Variants in EPS15 observed in about 807,000 individuals in gnomAD.
The protein encoded by EPS15 is epidermal growth factor receptor pathway substrate 15.
Under a neutral mutation model 113.8 loss-of-function variants are expected in EPS15, and 72 were observed. The ratio of observed to expected loss-of-function variants is 0.63; its 90% CI spans 0.52 to 0.77. The LOEUF (loss-of-function observed/expected upper bound fraction) is 0.77. EPS15 is among the 30% of genes least tolerant of loss of function. The probability of loss-of-function intolerance (pLI) is 0.00; values close to 1 mark genes in which losing one functional copy is unlikely to be tolerated. For missense variants in EPS15, 1,048 were observed against 1,045.8 expected, an observed-to-expected ratio of 1.00 and a Z score of -0.03; for synonymous variants, 344 against 363.4, an observed-to-expected ratio of 0.95 and a Z score of 0.61.
At chr1:51,428,387 T>G (rs1237432626) in intron 12 of EPS15, among the ~76,000 whole-genome samples, 1 of 152,252 alleles carries the variant, frequency 6.6e-6, no homozygotes, top group African/African-American at 2.4e-5. Context: ...CTCCACTTTA[T>G]ACTTTCTATA....
intron 4 of EPS15, among the ~76,000 whole-genome samples, chr1:51,470,055 T>A (rs6661367): frequency 6.6e-6 from 1 of 152,160 alleles, no homozygotes; most frequent in Non-Finnish European, 1.5e-5. Flanking sequence ...CATGACCCTC[T>A]TTCTTTTCTC....
chr1:51,491,706 G>A (rs565535531), intron 1 of EPS15, among the ~76,000 whole-genome samples: 20 of 152,078 alleles, frequency 1.3e-4, no homozygotes, highest in Non-Finnish European at 1.0e-4. Context: ...GGAGGGCGTG[G>A]TGGGGCAGAG....
At chr1:51,519,087 C>T in intron 1 of EPS15, 112 bp downstream of exon 1, 1 of 704,098 alleles carries the variant, frequency 1.4e-6, no homozygotes, top group Non-Finnish European at 2.1e-6. Context: ...GCCCGGCCCA[C>T]AAGCCAAGAA....
At chr1:51,468,363 T>C in intron 5 of EPS15, 110 bp downstream of exon 5, 2 of 811,722 alleles carry the variant, frequency 2.5e-6, no homozygotes, top group Non-Finnish European at 4.1e-6. Context: ...AGTAGCTGAG[T>C]GAAAGGGCCA....
chr1:51,455,972 G>C (rs749329203), intron 8 of EPS15, among the ~76,000 whole-genome samples: 4 of 150,928 alleles, frequency 2.7e-5, no homozygotes, highest in Admixed American at 2.6e-4. Context: ...AAAACTAAAA[G>C]ATATTCTAGA....
intron 4 of EPS15, among the ~76,000 whole-genome samples, chr1:51,470,502 C>T (rs567360646): frequency 6.6e-6 from 1 of 151,898 alleles, no homozygotes; most frequent in Non-Finnish European, 1.5e-5. Context: ...AAAAAACTAG[C>T]CAGGTGCGGA....
intron 9 of EPS15, 46 bp from the exon 10 acceptor site, chr1:51,447,151 C>A: frequency 6.5e-7 from 1 of 1,530,726 alleles, no homozygotes; most frequent in South Asian, 1.2e-5. Context: ...ATGAAACAAA[C>A]TTTGAAGTGT....
chr1:51,453,950 T>C (rs1240890968), intron 8 of EPS15, among the ~76,000 whole-genome samples: 5 of 149,106 alleles, frequency 3.4e-5, no homozygotes, highest in Non-Finnish European at 4.4e-5. Flanking sequence ...CTCTGGAGGC[T>C]GAGGCAGGAG....
In EPS15 at chr1:51,366,122, C is replaced by G. The variant is rs892449847; in HGVS notation, c.2120-93G>C. 3.0e-5 allele frequency: 24 copies of G among 792,460 alleles called. No individual in the cohort carries two copies. In the South Asian group the frequency reaches 4.1e-4, roughly 13 times the overall value. The allele number at this position is 792,460 out of a possible 1,614,324, so 49.1% of individuals were successfully genotyped here. ...CACTCTGTCCACCCAGCCTCAAGAG[C>G]AGTGGTACGATCATGGCTCACTGCA... is the stretch of plus-strand genomic sequence containing the variant. On this transcript the variant is annotated intron_variant, in intron 21 of 24. Coordinates refer to ENST00000371733, the MANE Select transcript of EPS15 (RefSeq NM_001981.3).
chr1:51,428,826 C>CAAAA (rs902706524), intron 12 of EPS15, among the ~76,000 whole-genome samples: 17 of 53,822 alleles, frequency 3.2e-4, no homozygotes, highest in African/African-American at 6.1e-4. Context: ...GACTCCATCT[C>CAAAA]AAAAAAAAAA....
chr1:51,365,859 C>A, intron 22 of EPS15, 94 bp downstream of exon 22: 1 of 734,242 alleles, frequency 1.4e-6, no homozygotes, highest in South Asian at 2.2e-5. Context: ...AATCAAGTTG[C>A]AACTTTGTGA....
chr1:51,398,935 T>C, intron 20 of EPS15, 97 bp downstream of exon 20: 1 of 1,101,336 alleles, frequency 9.1e-7, no homozygotes, highest in South Asian at 1.7e-5. Context: ...TTAGAAGTAA[T>C]CTAAATGAGG....
chr1:51,409,747 G>C (rs555504834), intron 13 of EPS15, 51 bp from the exon 14 acceptor site: 21 of 1,273,304 alleles, frequency 1.6e-5, no homozygotes, highest in African/African-American at 9.0e-5. Flanking sequence ...GCAGGGGAGG[G>C]TTAAGTTAGT....
rs1646213573 is a variant in EPS15 at position 51,356,157 on chromosome 1, A to G, written c.*543T>C. 1 of 209,316 alleles carries G rather than the reference A, an allele frequency of 4.8e-6. No individual in the cohort carries two copies. The highest frequency in any genetic ancestry group is 2.3e-5 in the African/African-American group (1 of 44,008). The allele number at this position is 209,316 out of a possible 1,614,324, so 13.0% of individuals were successfully genotyped here. On this transcript the variant is annotated 3_prime_UTR_variant, in exon 25 of 25. Coordinates refer to ENST00000371733, the MANE Select transcript of EPS15 (RefSeq NM_001981.3). ...TTTCCATAGTGGAGTAAATCTGTGC[A>G]AAATATTTTTCCTTATCTCTGAAAA...
At chr1:51,359,509 C>G (rs1646330791) in intron 24 of EPS15, among the ~76,000 whole-genome samples, 1 of 150,994 alleles carries the variant, frequency 6.6e-6, no homozygotes, top group African/African-American at 2.4e-5. Context: ...CCTGTAATCC[C>G]AACACTTTGA....
In EPS15 at chr1:51,463,778, A is replaced by G. The variant is rs1287522103; in HGVS notation, c.396T>C (p.Tyr132=). 1.9e-5 allele frequency: 30 copies of G among 1,598,018 alleles called. No individual in the cohort carries two copies. Among genetic ancestry groups the G allele is most frequent in the Middle Eastern group, 1.7e-4 (1 of 6,018 alleles). ...GGCTTAAACTATCAAATATTGCATCATATTTGGCCTTATCTTCAGGCTACA... is the reference window on the plus strand; with the variant it reads ...GGCTTAAACTATCAAATATTGCATCGTATTTGGCCTTATCTTCAGGCTACA... The part of the protein sequence containing the change: ...WAVKPEDKAK[Y]DAIFDSLSPV... The change falls in exon 7 of 25, where the codon TAT becomes TAC. Residue 132 remains tyrosine, a synonymous_variant. Transcript: ENST00000371733.
chr1:51,445,000 C>A lies in EPS15; in HGVS notation c.843G>T (p.Gln281His), dbSNP rs748204167. ...TGATTAAGTGAAAAGCCAAGGCAAA[C>A]TGATCCTTTGAAAGCTTCCCACAGT... The part of the protein sequence containing the change: ...TKDCGKLSKD[Q>H]FALAFHLISQ... The change falls in exon 11 of 25, where the codon CAG becomes CAT. Residue 281 changes from glutamine to histidine, a missense_variant. Transcript: ENST00000371733. 6.2e-7 allele frequency: 1 copy of A among 1,613,852 alleles called. No individual in the cohort carries two copies. Among genetic ancestry groups the A allele is most frequent in the African/African-American group, 1.3e-5 (1 of 74,920 alleles).
chr1:51,422,272 A>C (rs1158427765), intron 12 of EPS15, among the ~76,000 whole-genome samples: 1 of 152,192 alleles, frequency 6.6e-6, no homozygotes, highest in African/African-American at 2.4e-5. Context: ...GCTAATAAAA[A>C]CAGTCAACAA....
intron 22 of EPS15, among the ~76,000 whole-genome samples, chr1:51,364,232 C>T (rs1250165953): frequency 6.6e-6 from 1 of 152,046 alleles, no homozygotes; most frequent in Non-Finnish European, 1.5e-5. Flanking sequence ...ATTCTAACAT[C>T]ATTACTTATT....
Sources: allele counts gnomAD v4.1 joint callset (sites outside exome capture counted in the v4.1 genomes callset), GRCh38; gene constraint gnomAD v4.1.1; transcripts MANE v1.5; gene names NCBI Gene and HGNC (gene_info 2026-07-23, HGNC 2026-07-21).